Variants in TIAM2 observed in about 807,000 individuals in gnomAD.
TIAM2 encodes rho guanine nucleotide exchange factor TIAM2.
A neutral mutation model predicts 152.9 loss-of-function variants in TIAM2; 80 were observed. The observed-to-expected ratio is 0.52, with a 90% CI of 0.44 to 0.63. TIAM2 has a LOEUF of 0.63. Ranked by LOEUF, TIAM2 falls within the 30% of genes least tolerant of loss-of-function variation. TIAM2 has a pLI of 0.00. For missense variants in TIAM2, 1,965 were observed against 2,120.1 expected (o/e 0.93, Z 1.44); for synonymous variants, 804 against 838.0 (o/e 0.96, Z 0.70).
At chr6:155,195,652 C>T (rs889509769) in intron 14 of TIAM2, among the ~76,000 whole-genome samples, 1 of 123,804 alleles carries the variant, frequency 8.1e-6, no homozygotes, top group African/African-American at 3.0e-5. Flanking sequence ...TGTGACGGAA[C>T]AAAAATTGAT....
intron 1 of TIAM2, among the ~76,000 whole-genome samples, chr6:155,029,328 CTATGT>C (rs1776739735): frequency 1.9e-5 from 2 of 106,722 alleles, no homozygotes; most frequent in Admixed American, 1.4e-4. Context: ...ACTATATGTA[CTATGT>C]GTTATATATA....
intron 5 of TIAM2, among the ~76,000 whole-genome samples, chr6:155,137,826 T>G (rs1177217437): frequency 1.3e-5 from 2 of 152,126 alleles, no homozygotes; most frequent in Non-Finnish European, 2.9e-5. Context: ...AAATAATTAG[T>G]GGATTTTTTA....
intron 1 of TIAM2, among the ~76,000 whole-genome samples, chr6:155,071,844 C>T (rs945440370): frequency 2.1e-4 from 32 of 149,686 alleles, no homozygotes; most frequent in African/African-American, 6.4e-4. Flanking sequence ...TACAGTGAAC[C>T]GAGATCGCGT....
At chr6:155,140,675 T>C (rs1042575332) in intron 5 of TIAM2, among the ~76,000 whole-genome samples, 1 of 151,404 alleles carries the variant, frequency 6.6e-6, no homozygotes, top group Non-Finnish European at 1.5e-5. Flanking sequence ...AGAGCCGTGC[T>C]AGATGGAGGA....
In TIAM2 at chr6:154,995,466, C is replaced by A. The variant is rs1778196596; in HGVS notation, c.-235C>A. On this transcript the variant is annotated 5_prime_UTR_variant, in exon 1 of 27. Transcript: ENST00000682666. This position sits in a 1 kb window ranked among gnomAD's most constrained non-coding sequence, Gnocchi z 5.2. ...TAGCGGAGGGCGGCGCGCGACCGGC[C>A]CCACCGAGCCCGGCGCGCGACCCGA... 6.7e-6 allele frequency: 1 copy of A among 149,994 alleles called. No individual in the cohort carries two copies. The highest frequency in any genetic ancestry group is 1.5e-5 in the Non-Finnish European group (1 of 67,312). 9.3% of individuals were successfully genotyped at this position (149,994 alleles called of 1,614,324 possible).
rs1781803189 is a variant in TIAM2, at chr6:155,214,422, C to CTGAAG, written c.3168+3115_3168+3116insTGAAG. Among the ~76,000 whole-genome samples, 2 of 152,212 alleles carry CTGAAG rather than the reference C, an allele frequency of 1.3e-5. No individual in the cohort carries two copies. Among genetic ancestry groups the CTGAAG allele is most frequent in the Non-Finnish European group, 2.9e-5 (2 of 68,030 alleles). On this transcript the variant is annotated intron_variant, in intron 15 of 26. Transcript: ENST00000682666. This position sits in a 1 kb window ranked among gnomAD's most constrained non-coding sequence, Gnocchi z 5.4. ...AGCTTCAGAACGGATGCTTCTGGTT[C>CTGAAG]CGAAGCAGCTGGTTTGATGAAGCAG...
In TIAM2 at chr6:155,000,808, A is replaced by G. The variant is rs149903086; in HGVS notation, c.-209+5316A>G. On this transcript the variant is annotated intron_variant, in intron 1 of 26. Coordinates refer to ENST00000682666, the MANE Select transcript of TIAM2 (RefSeq NM_012454.4). ...AGACCAGCCTGGCCAACATGGTGAA[A>G]CCCTGTCTCTACTAAAAATACAAAA... 2.0e-4 allele frequency among the ~76,000 whole-genome samples: 30 copies of G among 152,188 alleles called. No individual in the cohort carries two copies. The East Asian group carries it at 5.8e-3, about 29-fold the overall frequency.
At chr6:155,210,542 GC>G (rs1781695727) in intron 14 of TIAM2, among the ~76,000 whole-genome samples, 1 of 150,648 alleles carries the variant, frequency 6.6e-6, no homozygotes, top group Non-Finnish European at 1.5e-5. Context: ...TCACTATGTT[GC>G]CCAGGGTGGT....
At chr6:155,034,441 G>T (rs1776885571) in intron 1 of TIAM2, among the ~76,000 whole-genome samples, 1 of 152,072 alleles carries the variant, frequency 6.6e-6, no homozygotes, top group African/African-American at 2.4e-5. Context: ...TTTGAGTAGG[G>T]ATGGAGTTTC....
intron 1 of TIAM2, among the ~76,000 whole-genome samples, chr6:155,035,150 T>C (rs1776898376): frequency 6.6e-6 from 1 of 152,176 alleles, no homozygotes; most frequent in African/African-American, 2.4e-5. Flanking sequence ...GATTCTTTAT[T>C]TGCTGAATGG....
chr6:155,074,087 A>G (rs1033142604), intron 1 of TIAM2, among the ~76,000 whole-genome samples: 66 of 152,334 alleles, frequency 4.3e-4, no homozygotes, highest in African/African-American at 1.6e-3. Context: ...TGACACCATT[A>G]TGATACCAGG....
At chr6:155,080,300 G>A (rs975534016) in intron 1 of TIAM2, among the ~76,000 whole-genome samples, 19 of 151,908 alleles carry the variant, frequency 1.3e-4, no homozygotes, top group African/African-American at 4.4e-4. Context: ...TCAGTGGGAG[G>A]AAATGAAAAC....
intron 5 of TIAM2, among the ~76,000 whole-genome samples, chr6:155,138,081 GT>G (rs1184032332): frequency 6.6e-6 from 1 of 152,146 alleles, no homozygotes; most frequent in Non-Finnish European, 1.5e-5. Flanking sequence ...CCTCAAGCAG[GT>G]TGTCCACCTT....
chr6:155,044,821 C>CT (rs1392065396), intron 1 of TIAM2, among the ~76,000 whole-genome samples: 2 of 143,328 alleles, frequency 1.4e-5, no homozygotes, highest in Non-Finnish European at 3.0e-5. Context: ...GAGCAAGACT[C>CT]TGTCTCGAAA....
At chr6:155,146,775 T>A (rs1332037244) in intron 6 of TIAM2, among the ~76,000 whole-genome samples, 2 of 19,546 alleles carry the variant, frequency 1.0e-4, no homozygotes, top group Non-Finnish European at 1.3e-4. Context: ...CTAATTTTTT[T>A]TTTTTTTTTT....
intron 15 of TIAM2, chr6:155,216,977 A>T: frequency 8.0e-7 from 1 of 1,244,456 alleles, no homozygotes; most frequent in Non-Finnish European, 1.0e-6. Context: ...TTGCCTGGGG[A>T]TGAGAGGGAG....
chr6:155,032,965 G>A (rs141905991), intron 1 of TIAM2, among the ~76,000 whole-genome samples: 7 of 152,232 alleles, frequency 4.6e-5, no homozygotes, highest in African/African-American at 1.7e-4. Context: ...AAACAGCTAT[G>A]TGTTAATTCT....
intron 7 of TIAM2, among the ~76,000 whole-genome samples, chr6:155,154,250 T>C (rs943854221): frequency 6.6e-6 from 1 of 152,202 alleles, no homozygotes; most frequent in African/African-American, 2.4e-5. Context: ...GATGTAGTCA[T>C]TTCTAGCCTA....
intron 23 of TIAM2, 42 bp from the exon 24 acceptor site, chr6:155,252,906 C>A: frequency 6.4e-7 from 1 of 1,553,322 alleles, no homozygotes; most frequent in Non-Finnish European, 8.9e-7. Context: ...CCCTCAGTGA[C>A]AGCTTCCCTA....
Sources: allele counts gnomAD v4.1 joint callset (sites outside exome capture counted in the v4.1 genomes callset), GRCh38; gene constraint gnomAD v4.1.1; non-coding constraint Gnocchi (gnomAD v3.1); transcripts MANE v1.5; gene names NCBI Gene and HGNC (gene_info 2026-07-23, HGNC 2026-07-21).